The following DNM3 variants were observed in gnomAD, a reference collection of about 807,000 sequenced individuals.
DNM3 encodes the protein dynamin-3.
A neutral mutation model predicts 101.6 loss-of-function variants in DNM3; 47 were observed. The ratio of observed to expected loss-of-function variants is 0.46; its 90% confidence interval spans 0.37 to 0.59. The LOEUF is 0.59. DNM3 is among the 20% of genes least tolerant of loss of function. The pLI is 0.00. For synonymous variants in DNM3, 385 were observed against 387.9 expected (o/e 0.99, Z 0.09); for missense variants, 849 against 1,085.7 (o/e 0.78, Z 3.06).
intron 11 of DNM3, among the ~76,000 whole-genome samples, chr1:172,073,920 T>G (rs911903654): frequency 5.3e-5 from 8 of 152,150 alleles, no homozygotes; most frequent in African/African-American, 1.7e-4. Context: ...ACTTCTCTCT[T>G]GTTTTCTGTC....
At position 171,851,723 on chromosome 1, in the gene DNM3, C is replaced by G. The variant is rs535789043; in HGVS notation, c.161+9906C>G. On this transcript the variant is annotated intron_variant, in intron 1 of 20. Coordinates refer to ENST00000627582, the MANE Select transcript of DNM3 (RefSeq NM_015569.5). ...GCCACTGCACCCGACCTGAACAGTGCTTTTTAAACTGTAGATTGTGACCTA... is the reference window on the plus strand; with the variant it reads ...GCCACTGCACCCGACCTGAACAGTGGTTTTTAAACTGTAGATTGTGACCTA... Among the ~76,000 whole-genome samples the G allele has an allele frequency of 3.9e-5, 6 of 152,274 alleles. No individual in the cohort carries two copies. The East Asian group carries it at 1.2e-3, about 29-fold the overall frequency.
chr1:172,148,780 T>C (rs2058019658), intron 14 of DNM3, among the ~76,000 whole-genome samples: 1 of 152,060 alleles, frequency 6.6e-6, no homozygotes, highest in Admixed American at 6.6e-5. Context: ...ATTAGCACTT[T>C]TTTTTTTAAT....
chr1:171,857,753 G>A (rs1008151020), intron 1 of DNM3, among the ~76,000 whole-genome samples: 15 of 152,184 alleles, frequency 9.9e-5, no homozygotes, highest in Admixed American at 8.5e-4. Flanking sequence ...TGGACTGAAC[G>A]TTTGTATCTC....
chr1:172,088,823 G>T (rs1051046826), intron 12 of DNM3, among the ~76,000 whole-genome samples: 4 of 152,176 alleles, frequency 2.6e-5, no homozygotes, highest in African/African-American at 9.7e-5. Context: ...TTTGATAAAT[G>T]GTCACACATC....
At chr1:172,115,101 T>G (rs887367532) in intron 13 of DNM3, among the ~76,000 whole-genome samples, 1 of 152,210 alleles carries the variant, frequency 6.6e-6, no homozygotes, top group Non-Finnish European at 1.5e-5. Flanking sequence ...TACAGTCTTT[T>G]CATTGTCTGG....
At chr1:172,370,520 C>A (rs980035487) in intron 17 of DNM3, among the ~76,000 whole-genome samples, 1 of 151,862 alleles carries the variant, frequency 6.6e-6, no homozygotes, top group Non-Finnish European at 1.5e-5. Flanking sequence ...TAGCCCTTAC[C>A]TTTTCTTTAA....
At chr1:171,919,311 C>A (rs972017665) in intron 1 of DNM3, among the ~76,000 whole-genome samples, 2 of 152,150 alleles carry the variant, frequency 1.3e-5, no homozygotes, top group Admixed American at 6.5e-5. Flanking sequence ...CTCCTGGCCC[C>A]CCACCCTCTG....
At chr1:172,316,885 G>A (rs374118286) in intron 16 of DNM3, among the ~76,000 whole-genome samples, 10 of 151,970 alleles carry the variant, frequency 6.6e-5, no homozygotes, top group African/African-American at 1.7e-4. Flanking sequence ...TGCACCAAGC[G>A]GACCTAATAG....
At chr1:172,404,448 T>G (rs973038444) in intron 20 of DNM3, among the ~76,000 whole-genome samples, 1 of 152,014 alleles carries the variant, frequency 6.6e-6, no homozygotes, top group African/African-American at 2.4e-5. Flanking sequence ...CAGAACCATA[T>G]GTTCTCCTCA....
Position 172,061,980 on chromosome 1 carries a change from CT to C in DNM3, c.1336-6837del, listed in dbSNP as rs143432311. Among the ~76,000 whole-genome samples the C allele has an allele frequency of 6.2e-3, 939 of 152,234 alleles. 17 individuals carry two copies. Among genetic ancestry groups the C allele is most frequent in the African/African-American group, 0.021 (888 of 41,560 alleles). The stretch of plus-strand genomic sequence containing the variant: ...AATGTAATAGGCTTTAGTGCCCAGG[CT>C]TCGAATCAGACTGGTTATTAAAGTC... On this transcript the variant is annotated intron_variant, in intron 10 of 20. Transcript: ENST00000627582.
chr1:171,953,704 C>A (rs2042678022), intron 2 of DNM3, among the ~76,000 whole-genome samples: 1 of 152,188 alleles, frequency 6.6e-6, no homozygotes, highest in Non-Finnish European at 1.5e-5. Flanking sequence ...GCTGGGATTA[C>A]AGGCCACCAT....
intron 2 of DNM3, among the ~76,000 whole-genome samples, chr1:171,961,359 A>T (rs1356864410): frequency 1.3e-5 from 2 of 152,142 alleles, no homozygotes; most frequent in East Asian, 3.9e-4. Flanking sequence ...CTTTTAATCC[A>T]TGTGTTTTTG....
chr1:172,203,502 C>A (rs2060223019), intron 14 of DNM3, among the ~76,000 whole-genome samples: 2 of 152,142 alleles, frequency 1.3e-5, no homozygotes, highest in Non-Finnish European at 2.9e-5. Context: ...AGACATTTTG[C>A]ATATCTTTAA....
At chr1:171,995,736 C>T (rs2045953710) in intron 4 of DNM3, among the ~76,000 whole-genome samples, 1 of 152,148 alleles carries the variant, frequency 6.6e-6, no homozygotes, top group South Asian at 2.1e-4. Context: ...CTGTTCTCAC[C>T]ACTTAATGTA....
chr1:172,197,523 A>G (rs1165316884), intron 14 of DNM3, among the ~76,000 whole-genome samples: 2 of 151,314 alleles, frequency 1.3e-5, no homozygotes, highest in African/African-American at 4.8e-5. Context: ...AATGATATCA[A>G]TTCTTCCTAT....
chr1:172,171,497 C>G (rs1481252223), intron 14 of DNM3, among the ~76,000 whole-genome samples: 7 of 151,692 alleles, frequency 4.6e-5, no homozygotes, highest in Non-Finnish European at 1.0e-4. Flanking sequence ...ATGACTGCAC[C>G]TACCTATTTA....
chr1:172,414,750 C>CT (rs1345137251), downstream of DNM3, among the ~76,000 whole-genome samples: 2 of 27,786 alleles, frequency 7.2e-5, no homozygotes, highest in East Asian at 1.8e-3. Flanking sequence ...GACCTCATCT[C>CT]TAAAAAAAAA....
chr1:171,941,389 T>A (rs2041803897), intron 2 of DNM3, among the ~76,000 whole-genome samples: 1 of 152,324 alleles, frequency 6.6e-6, no homozygotes, highest in Non-Finnish European at 1.5e-5. Context: ...TCCTGGATAC[T>A]ATAATAGCAG....
At chr1:172,355,488 G>A (rs1472834055) in intron 17 of DNM3, among the ~76,000 whole-genome samples, 3 of 152,020 alleles carry the variant, frequency 2.0e-5, no homozygotes, top group Admixed American at 6.6e-5. Flanking sequence ...ACATAAAATA[G>A]GTTCTACACA....
Sources: allele counts gnomAD v4.1 joint callset (sites outside exome capture counted in the v4.1 genomes callset), GRCh38; gene constraint gnomAD v4.1.1; transcripts MANE v1.5; gene names NCBI Gene and HGNC (gene_info 2026-07-23, HGNC 2026-07-21).